MLLT10: variants seen among roughly 807,000 people sequenced by gnomAD.
MLLT10 encodes protein AF-10.
MLLT10 carries 30 observed loss-of-function variants against 129.1 expected under a neutral mutation model. That is an observed-to-expected ratio of 0.23 (90% CI 0.17 to 0.32). MLLT10 has a LOEUF of 0.32. Among genes scored for constraint, MLLT10 ranks in the 10% least tolerant of loss-of-function variants. The probability of loss-of-function intolerance (pLI) is 1.00; values close to 1 mark genes in which losing one functional copy is unlikely to be tolerated. For synonymous variants in MLLT10, 490 were observed against 446.4 expected, an observed-to-expected ratio of 1.10 and a Z score of -1.23; for missense variants, 1,119 against 1,268.3, an observed-to-expected ratio of 0.88 and a Z score of 1.79.
At chr10:21,714,792 A>G (rs2056406645) in intron 14 of MLLT10, among the ~76,000 whole-genome samples, 1 of 152,174 alleles carries the variant, frequency 6.6e-6, no homozygotes, top group South Asian at 2.1e-4. Flanking sequence ...TTGGCCTCCC[A>G]AAGTGTTAGG....
At chr10:21,592,410 A>G (rs1589127873) in intron 4 of MLLT10, among the ~76,000 whole-genome samples, 1 of 142,280 alleles carries the variant, frequency 7.0e-6, no homozygotes, top group African/African-American at 2.6e-5. Context: ...TGTCTTTAAG[A>G]TTTTCATTTC....
At chr10:21,564,850 C>G (rs948480485) in intron 3 of MLLT10, among the ~76,000 whole-genome samples, 4 of 151,768 alleles carry the variant, frequency 2.6e-5, no homozygotes, top group African/African-American at 9.7e-5. Context: ...AGGTATTCCA[C>G]TCTTGGTGAG....
At chr10:21,548,627 C>A (rs2036484106) in intron 3 of MLLT10, among the ~76,000 whole-genome samples, 2 of 152,102 alleles carry the variant, frequency 1.3e-5, no homozygotes, top group South Asian at 4.1e-4. Flanking sequence ...CCTTTGCCTC[C>A]CAAAATGCTG....
At chr10:21,548,802 G>T (rs555275602) in intron 3 of MLLT10, among the ~76,000 whole-genome samples, 42 of 151,898 alleles carry the variant, frequency 2.8e-4, no homozygotes, top group Non-Finnish European at 5.9e-4. Flanking sequence ...TTTTCAATTT[G>T]TCTCTTTTTT....
chr10:21,631,932 GT>G (rs35117253), intron 8 of MLLT10, among the ~76,000 whole-genome samples: 72,287 of 132,094 alleles, frequency 0.55, 20,267 homozygotes, highest in African/African-American at 0.82. Flanking sequence ...TTTTTTTTTG[GT>G]TTTTTTTTTT....
intron 3 of MLLT10, among the ~76,000 whole-genome samples, chr10:21,577,837 C>T (rs905651358): frequency 5.3e-5 from 8 of 152,014 alleles, no homozygotes; most frequent in Non-Finnish European, 7.4e-5. Context: ...TTGGTTTTAG[C>T]TATCCTACAG....
chr10:21,697,715 C>T (rs1193991951), intron 13 of MLLT10, among the ~76,000 whole-genome samples: 1 of 152,076 alleles, frequency 6.6e-6, no homozygotes, highest in African/African-American at 2.4e-5. Context: ...AAAGGTCTAA[C>T]TTAAATTGTA....
In MLLT10 at chr10:21,742,075, C is replaced by T. The variant is rs1032661793; in HGVS notation, c.*92C>T. On this transcript the variant is annotated 3_prime_UTR_variant, in exon 23 of 23. Transcript: ENST00000307729. ...TCCTTTTACTACAGCTATGAAGAAACGCAACAAGAAACTCAATGCACAACA... is the reference window on the plus strand; with the variant it reads ...TCCTTTTACTACAGCTATGAAGAAATGCAACAAGAAACTCAATGCACAACA... The T allele has an allele frequency of 1.5e-5, 17 of 1,152,354 alleles. 1 individual carries two copies. Among genetic ancestry groups the T allele is most frequent in the Middle Eastern group, 3.9e-4 (2 of 5,152 alleles). 71.4% of individuals were successfully genotyped at this position (1,152,354 alleles called of 1,614,324 possible).
At position 21,678,847 on chromosome 10, in the gene MLLT10, C is replaced by G. The variant is rs370195644; in HGVS notation, c.1622-2485C>G. ...CTCTTTAGTTACTCTCTCATTTGAT[C>G]CTTGGAACAGCCTTGTGAAATAGGA... On this transcript the variant is annotated intron_variant, in intron 11 of 22. Coordinates refer to ENST00000307729, the MANE Select transcript of MLLT10 (RefSeq NM_001195626.3). 3.3e-5 allele frequency among the ~76,000 whole-genome samples: 5 copies of G among 152,206 alleles called. No homozygotes were observed. In the East Asian group the frequency reaches 7.7e-4, roughly 24 times the overall value.
At position 21,673,572 on chromosome 10, in the gene MLLT10, C is replaced by T. The variant is rs200405177; in HGVS notation, c.1274C>T (p.Ala425Val). 5 of 1,613,250 alleles carry T rather than the reference C, an allele frequency of 3.1e-6. No individual in the cohort carries two copies. The East Asian group carries it at 6.7e-5, about 22-fold the overall frequency. The change falls in exon 11 of 23, where the codon GCT (alanine) becomes GTT (valine). Residue 425 changes from alanine (A) to valine (V), a missense_variant. Ala to Val is a moderately conservative substitution (Grantham distance 64). Coordinates refer to ENST00000307729, the MANE Select transcript of MLLT10 (RefSeq NM_001195626.3). ...STLIGLPSTSAVTSQPKSFEN... is the reference protein window; with the variant it reads ...STLIGLPSTSVVTSQPKSFEN... ...TTAATTGGCCTCCCTTCAACCTCAG[C>T]TGTTACTTCACAGCCTAAAAGCTTT... is the stretch of plus-strand genomic sequence containing the variant.
At chr10:21,624,959 T>C in intron 8 of MLLT10, 1 of 1,291,206 alleles carries the variant, frequency 7.7e-7, no homozygotes. Flanking sequence ...TTGGTGGTGG[T>C]GAAGCACCCT....
At chr10:21,713,104 T>C (rs2056250973) in intron 13 of MLLT10, among the ~76,000 whole-genome samples, 1 of 152,160 alleles carries the variant, frequency 6.6e-6, no homozygotes, top group African/African-American at 2.4e-5. Context: ...TAAATGGAGC[T>C]GCCAACTCAT....
intron 4 of MLLT10, among the ~76,000 whole-genome samples, chr10:21,594,026 T>C (rs188348224): frequency 6.0e-5 from 9 of 150,966 alleles, no homozygotes; most frequent in African/African-American, 2.2e-4. Context: ...TATTTGCATC[T>C]GCTTGGTGCC....
intron 13 of MLLT10, among the ~76,000 whole-genome samples, chr10:21,691,046 T>TA (rs1433756556): frequency 7.2e-5 from 11 of 152,310 alleles, no homozygotes; most frequent in African/African-American, 2.4e-4. Context: ...TATTCTTCCT[T>TA]ACGGTAATCT....
In MLLT10 at chr10:21,740,034, A is replaced by G; in HGVS notation, c.2960A>G (p.Gln987Arg). Residue 987 changes from glutamine to arginine, a missense_variant, in exon 22 of 23, where the codon CAA becomes CGA. By Grantham distance (43) the Gln-to-Arg change is conservative. Around this residue, in one of 5 missense-constraint regions of MLLT10, gnomAD observed 1,004 missense variants for 1,008.7 expected, o/e 1.00. Transcript: ENST00000307729. ...LLNSQQLTPE[Q>R]HQAFLYQLMQ... ...CTCACATGTTTTTTGCCTAAGGAACAACATCAAGCCTTTTTGTATCAGTTA... is the reference window on the plus strand; with the variant it reads ...CTCACATGTTTTTTGCCTAAGGAACGACATCAAGCCTTTTTGTATCAGTTA... 6.2e-7 allele frequency: 1 copy of G among 1,602,788 alleles called. No homozygotes were observed. The highest frequency in any genetic ancestry group is 8.5e-7 in the Non-Finnish European group (1 of 1,173,670).
intron 5 of MLLT10, among the ~76,000 whole-genome samples, chr10:21,602,150 C>T (rs1034947502): frequency 6.6e-6 from 1 of 152,090 alleles, no homozygotes; most frequent in African/African-American, 2.4e-5. Flanking sequence ...AACATGAGTA[C>T]CTAGGCACCA....
intron 17 of MLLT10, among the ~76,000 whole-genome samples, chr10:21,732,349 GCA>G (rs1360074107): frequency 6.6e-6 from 1 of 152,158 alleles, no homozygotes; most frequent in African/African-American, 2.4e-5. Context: ...GTGGCTGGGC[GCA>G]CACATAGCGC....
rs1281006754 is a variant in MLLT10, at chr10:21,562,815, TTTG to T, written c.241-23476_241-23474del. 7.7e-3 allele frequency among the ~76,000 whole-genome samples: 948 copies of T among 123,558 alleles called. 249 individuals are homozygous for T. Among genetic ancestry groups the T allele is most frequent in the African/African-American group, 0.029 (886 of 30,758 alleles). 81.1% of individuals were successfully genotyped at this position (123,558 alleles called of 152,430 possible). The stretch of plus-strand genomic sequence containing the variant: ...GCTGACTTACATATACTTTGTTTTT[TTTG>T]TTTTTTTTTTTTTTTTTTTTGAGAC... On this transcript the variant is annotated intron_variant, in intron 3 of 22. Coordinates refer to ENST00000307729, the MANE Select transcript of MLLT10 (RefSeq NM_001195626.3).
At chr10:21,701,597 A>G (rs1286444491) in intron 13 of MLLT10, among the ~76,000 whole-genome samples, 1 of 151,844 alleles carries the variant, frequency 6.6e-6, no homozygotes. Flanking sequence ...AAATATATAT[A>G]TATTTTGAAG....
Sources: allele counts gnomAD v4.1 joint callset (sites outside exome capture counted in the v4.1 genomes callset), GRCh38; gene constraint gnomAD v4.1.1; regional missense constraint gnomAD v4.1.1; transcripts MANE v1.5; gene names NCBI Gene and HGNC (gene_info 2026-07-23, HGNC 2026-07-21).